HS3ST5: variants seen among roughly 807,000 people sequenced by gnomAD.
HS3ST5 encodes the protein heparan sulfate-glucosamine 3-sulfotransferase 5, also known as heparan sulfate glucosamine 3-O-sulfotransferase 5.
HS3ST5 carries 10 observed loss-of-function variants against 25.4 expected under a neutral mutation model. The ratio of observed to expected loss-of-function variants is 0.39; its 90% CI spans 0.24 to 0.67. The LOEUF (loss-of-function observed/expected upper bound fraction) is 0.67. HS3ST5 is among the 30% of genes least tolerant of loss of function. The pLI is 0.44. For synonymous variants in HS3ST5, 170 were observed against 162.4 expected (o/e 1.05, Z -0.36); for missense variants, 324 against 420.7 (o/e 0.77, Z 2.01).
chr6:114,310,314 G>C (rs1438734705), intron 1 of HS3ST5, among the ~76,000 whole-genome samples: 2 of 152,154 alleles, frequency 1.3e-5, no homozygotes, highest in Non-Finnish European at 2.9e-5. Context: ...TCAGGGAGAG[G>C]TAGTTGTGTA....
At chr6:114,209,951 T>TA (rs1270612523) in intron 2 of HS3ST5, among the ~76,000 whole-genome samples, 6 of 152,270 alleles carry the variant, frequency 3.9e-5, no homozygotes, top group African/African-American at 1.2e-4. Flanking sequence ...TTGGGCTTTT[T>TA]AAAAAAATCT....
In HS3ST5 at chr6:114,143,861, T is replaced by C. The variant is rs990194159; in HGVS notation, c.-33+24490A>G. On this transcript the variant is annotated intron_variant, in intron 3 of 4. Transcript: ENST00000312719. The stretch of plus-strand genomic sequence containing the variant: ...TTGTTGCTGCCAGCACCAATAAGCT[T>C]TCTTCCAAAACCAACGCATAGCCTC... 3 of 152,534 alleles carry C rather than the reference T, an allele frequency of 2.0e-5. No individual in the cohort carries two copies. The East Asian group carries it at 5.8e-4, about 29-fold the overall frequency. The allele number at this position is 152,534 out of a possible 1,614,324, so 9.4% of individuals were successfully genotyped here.
intron 1 of HS3ST5, among the ~76,000 whole-genome samples, chr6:114,307,699 G>T (rs926437606): frequency 2.0e-5 from 3 of 152,048 alleles, no homozygotes; most frequent in Non-Finnish European, 4.4e-5. Flanking sequence ...TTACTAGTGA[G>T]ATGTGATTTG....
chr6:114,093,197 C>T (rs1003406911), intron 3 of HS3ST5, among the ~76,000 whole-genome samples: 2 of 152,144 alleles, frequency 1.3e-5, no homozygotes, highest in African/African-American at 4.8e-5. Context: ...TCTGCCTGAA[C>T]AGGAAGTACA....
intron 1 of HS3ST5, among the ~76,000 whole-genome samples, chr6:114,305,460 A>G (rs1279478871): frequency 6.6e-6 from 1 of 152,168 alleles, no homozygotes; most frequent in Non-Finnish European, 1.5e-5. Context: ...TGTTCTTTCA[A>G]GTAAACATGA....
chr6:114,280,322 T>G (rs1774051106), intron 1 of HS3ST5, among the ~76,000 whole-genome samples: 1 of 151,838 alleles, frequency 6.6e-6, no homozygotes. Flanking sequence ...CCATGAAAGT[T>G]AAGAAAGATT....
intron 1 of HS3ST5, among the ~76,000 whole-genome samples, chr6:114,298,183 G>GA (rs1475420023): frequency 1.3e-5 from 2 of 151,980 alleles, no homozygotes; most frequent in South Asian, 2.1e-4. Context: ...TTTTATAAGA[G>GA]AAAAAAATCT....
At chr6:114,224,751 T>C (rs1315487382) in intron 2 of HS3ST5, among the ~76,000 whole-genome samples, 1 of 151,142 alleles carries the variant, frequency 6.6e-6, no homozygotes, top group Non-Finnish European at 1.5e-5. Context: ...CTTTCCTAAT[T>C]TTTGTTAGTT....
chr6:114,204,572 C>T (rs1316775694), intron 2 of HS3ST5, among the ~76,000 whole-genome samples: 2 of 152,088 alleles, frequency 1.3e-5, no homozygotes, highest in East Asian at 3.9e-4. Context: ...TTCATATTTA[C>T]ATATATTTTT....
intron 1 of HS3ST5, among the ~76,000 whole-genome samples, chr6:114,249,342 C>T (rs1772533741): frequency 6.6e-6 from 1 of 152,118 alleles, no homozygotes; most frequent in East Asian, 1.9e-4. Context: ...TGTCTTTTAC[C>T]TTACTCAATC....
chr6:114,069,963 G>T (rs907804213), intron 3 of HS3ST5, among the ~76,000 whole-genome samples: 10 of 151,996 alleles, frequency 6.6e-5, no homozygotes, highest in African/African-American at 2.4e-4. Context: ...AATAGTTTTG[G>T]GGGTACAGGT....
intron 3 of HS3ST5, among the ~76,000 whole-genome samples, chr6:114,121,667 A>T (rs887656867): frequency 5.3e-5 from 8 of 152,116 alleles, no homozygotes; most frequent in African/African-American, 1.7e-4. Flanking sequence ...AATTTAACAT[A>T]GTTGTATAGT....
intron 2 of HS3ST5, among the ~76,000 whole-genome samples, chr6:114,169,557 C>T (rs1165213222): frequency 6.6e-6 from 1 of 152,166 alleles, no homozygotes; most frequent in African/African-American, 2.4e-5. Flanking sequence ...ACATATCAGT[C>T]ATGCCCAGAA....
chr6:114,296,011 G>A (rs1257243605), intron 1 of HS3ST5, among the ~76,000 whole-genome samples: 1 of 152,140 alleles, frequency 6.6e-6, no homozygotes, highest in Non-Finnish European at 1.5e-5. Context: ...TTCTAAAATA[G>A]GCAGCAATAA....
At chr6:114,198,719 T>C (rs547199236) in intron 2 of HS3ST5, among the ~76,000 whole-genome samples, 53 of 152,316 alleles carry the variant, frequency 3.5e-4, no homozygotes, top group African/African-American at 1.2e-3. Flanking sequence ...TCTATACTGA[T>C]TGTGGACTTT....
chr6:114,311,077 AT>A (rs1298705403), intron 1 of HS3ST5, among the ~76,000 whole-genome samples: 1 of 152,216 alleles, frequency 6.6e-6, no homozygotes, highest in African/African-American at 2.4e-5. Flanking sequence ...TCAGATAAGA[AT>A]GCAAAATTAT....
chr6:114,100,566 A>G (rs1312472038), intron 3 of HS3ST5, among the ~76,000 whole-genome samples: 1 of 152,180 alleles, frequency 6.6e-6, no homozygotes, highest in Non-Finnish European at 1.5e-5. Context: ...GGCTTGAGGC[A>G]GGCCATTTGC....
At chr6:114,291,570 G>T (rs1194428767) in intron 1 of HS3ST5, among the ~76,000 whole-genome samples, 1 of 152,202 alleles carries the variant, frequency 6.6e-6, no homozygotes, top group Admixed American at 6.5e-5. Flanking sequence ...GGCAGAGAGT[G>T]ATTTCTGCAA....
intron 3 of HS3ST5, among the ~76,000 whole-genome samples, chr6:114,109,627 C>T (rs1776166713): frequency 6.6e-6 from 1 of 152,148 alleles, no homozygotes; most frequent in Non-Finnish European, 1.5e-5. Context: ...TATCCCTGGA[C>T]CCTCATCGCT....
Sources: gnomAD v4.1 joint callset for allele counts (sites outside exome capture counted in the v4.1 genomes callset) on GRCh38, gnomAD v4.1.1 for gene constraint, MANE v1.5 for transcripts, NCBI Gene and HGNC (gene_info 2026-07-23, HGNC 2026-07-21) for gene names.